Variants in MCF2L observed in about 807,000 individuals in gnomAD.
The protein encoded by MCF2L is guanine nucleotide exchange factor DBS.
A neutral mutation model predicts 153.4 loss-of-function variants in MCF2L; 97 were observed. The ratio of observed to expected loss-of-function variants is 0.63; its 90% confidence interval spans 0.54 to 0.75. The LOEUF (loss-of-function observed/expected upper bound fraction) is 0.75, where lower values mean the gene tolerates loss of function less well. Ranked by LOEUF, MCF2L falls within the 30% of genes least tolerant of loss-of-function variation. The probability of loss-of-function intolerance (pLI) is 0.00; values close to 1 mark genes in which losing one functional copy is unlikely to be tolerated. For synonymous variants in MCF2L, 659 were observed against 632.2 expected, an observed-to-expected ratio of 1.04 and a Z score of -0.64; for missense variants, 1,347 against 1,495.2, an observed-to-expected ratio of 0.90 and a Z score of 1.64.
In MCF2L at chr13:113,060,505, C is replaced by T. The variant is rs543846180; in HGVS notation, c.370-88C>T. ...TGCCTGGCCGCTAGCTGCGCGCCCC[C>T]GGTCAGCCCAGCGTGCAGGCACCGC... On this transcript the variant is annotated intron_variant, in intron 4 of 29. Coordinates refer to ENST00000535094, the MANE Select transcript of MCF2L (RefSeq NM_001112732.3). 2.6e-4 allele frequency: 394 copies of T among 1,521,324 alleles called. No individual in the cohort carries two copies. In the African/African-American group the frequency reaches 4.2e-3, roughly 16 times the overall value. 94.2% of individuals were successfully genotyped at this position (1,521,324 alleles called of 1,614,324 possible).
At chr13:113,081,145 C>A in intron 15 of MCF2L, 68 bp from the exon 16 acceptor site, 1 of 1,352,472 alleles carries the variant, frequency 7.4e-7, no homozygotes, top group South Asian at 1.3e-5. Flanking sequence ...ACCTGTGAGA[C>A]TGTGGAGCAG....
Position 113,074,162 on chromosome 13 carries a change from G to A in MCF2L, c.997-282G>A, listed in dbSNP as rs768034799. On this transcript the variant is annotated intron_variant, in intron 9 of 29. Coordinates refer to ENST00000535094, the MANE Select transcript of MCF2L (RefSeq NM_001112732.3). This position sits in a 1 kb window ranked among gnomAD's most constrained non-coding sequence, Gnocchi z 4.2. Reference sequence around the variant, plus strand: ...TCTTCTCCTCATGCTGTTTTCAGGCGTGTGGTTGATAAACGGAGGCACACA... The same window carrying A: ...TCTTCTCCTCATGCTGTTTTCAGGCATGTGGTTGATAAACGGAGGCACACA... Among the ~76,000 whole-genome samples the A allele has an allele frequency of 8.6e-5, 13 of 151,974 alleles. No homozygotes were observed. Among genetic ancestry groups the A allele is most frequent in the East Asian group, 7.7e-4 (4 of 5,162 alleles).
At chr13:112,895,564 A>C (rs957815360) in intron 1 of MCF2L, among the ~76,000 whole-genome samples, 2 of 152,080 alleles carry the variant, frequency 1.3e-5, no homozygotes, top group Non-Finnish European at 2.9e-5. Flanking sequence ...CGAGGGGTCC[A>C]GGGCTGGTCG....
intron 2 of MCF2L, among the ~76,000 whole-genome samples, chr13:112,921,132 G>A (rs1185152832): frequency 6.6e-6 from 1 of 152,042 alleles, no homozygotes; most frequent in African/African-American, 2.4e-5. Flanking sequence ...AGCCGAGATT[G>A]CACCACTGCA....
intron 4 of MCF2L, among the ~76,000 whole-genome samples, chr13:113,048,502 G>T (rs986918994): frequency 1.6e-5 from 2 of 124,252 alleles, no homozygotes; most frequent in East Asian, 2.4e-4. Flanking sequence ...CTGCAGTGGC[G>T]CGATCTCAGC....
chr13:112,963,648 T>C (rs1425730125), intron 2 of MCF2L, among the ~76,000 whole-genome samples: 1 of 152,226 alleles, frequency 6.6e-6, no homozygotes, highest in Non-Finnish European at 1.5e-5. Flanking sequence ...AAAGATGTGT[T>C]GAGTTCTAAC....
upstream of MCF2L, among the ~76,000 whole-genome samples, chr13:112,966,518 T>A (rs999110709): frequency 6.6e-6 from 1 of 152,192 alleles, no homozygotes; most frequent in Non-Finnish European, 1.5e-5. The surrounding 1 kb of genome is among the most constrained non-coding windows in gnomAD (Gnocchi z 4.1). Context: ...CACAGAGACA[T>A]CTAACCTAGC....
rs773948101 is a variant in MCF2L, at chr13:113,095,071, G to A, written c.3075+436G>A. The A allele has an allele frequency of 5.8e-6, 8 of 1,367,942 alleles. 1 individual carries two copies. Among genetic ancestry groups the A allele is most frequent in the Middle Eastern group, 2.1e-4 (1 of 4,774 alleles). The allele number at this position is 1,367,942 out of a possible 1,614,324, so 84.7% of individuals were successfully genotyped here. On this transcript the variant is annotated intron_variant, in intron 27 of 29. Coordinates refer to ENST00000535094, the MANE Select transcript of MCF2L (RefSeq NM_001112732.3). ...TTATGTCATAGAATGCTGTCACTGAGCCTTCCTAACTATACATACAATTCT... is the reference window on the plus strand; with the variant it reads ...TTATGTCATAGAATGCTGTCACTGAACCTTCCTAACTATACATACAATTCT...
chr13:112,969,619 A>G lies in MCF2L; in HGVS notation c.79+161A>G. The G allele has an allele frequency of 1.2e-6, 1 of 845,134 alleles. No individual in the cohort carries two copies. The highest frequency in any genetic ancestry group is 5.4e-5 in the South Asian group (1 of 18,504). The allele number at this position is 845,134 out of a possible 1,614,324, so 52.4% of individuals were successfully genotyped here. On this transcript the variant is annotated intron_variant, in intron 1 of 29. Coordinates refer to ENST00000535094, the MANE Select transcript of MCF2L (RefSeq NM_001112732.3). This position sits in a 1 kb window ranked among gnomAD's most constrained non-coding sequence, Gnocchi z 4.8. ...ACTGGTTGGCAGCTGGTGTGTTTTC[A>G]GAGGCTGTCGGCGATCGTATGCTGC... is the stretch of plus-strand genomic sequence containing the variant.
At chr13:112,902,223 T>C (rs1198034898) in exon 2 of MCF2L, 1 of 1,612,868 alleles carries the variant, frequency 6.2e-7, no homozygotes, top group African/African-American at 1.3e-5. Flanking sequence ...GTTGGAGATT[T>C]ATCCTGTGCA....
At chr13:112,953,816 C>G (rs1303446271) in intron 2 of MCF2L, among the ~76,000 whole-genome samples, 3 of 152,228 alleles carry the variant, frequency 2.0e-5, no homozygotes, top group Non-Finnish European at 4.4e-5. Context: ...AGCGTTCAGC[C>G]ACCTGGTAGG....
At chr13:112,913,615 A>G (rs1295863822) in intron 2 of MCF2L, among the ~76,000 whole-genome samples, 1 of 152,110 alleles carries the variant, frequency 6.6e-6, no homozygotes, top group Admixed American at 6.5e-5. Context: ...TCCTCCTTCA[A>G]GTGCATGGGG....
chr13:112,968,474 G>C (rs773170012), upstream of MCF2L: 5 of 1,590,270 alleles, frequency 3.1e-6, no homozygotes, highest in South Asian at 5.7e-5. Flanking sequence ...CATGGCGAGG[G>C]TGGAGAGCCC....
chr13:112,926,542 C>G (rs2081408849), intron 2 of MCF2L, among the ~76,000 whole-genome samples: 1 of 152,184 alleles, frequency 6.6e-6, no homozygotes, highest in African/African-American at 2.4e-5. Flanking sequence ...TCTACATGCA[C>G]AGGGGGGTGC....
At chr13:113,034,159 A>AG (rs2085984654) in intron 3 of MCF2L, 1 of 120,552 alleles carries the variant, frequency 8.3e-6, no homozygotes, top group Non-Finnish European at 1.6e-5. Flanking sequence ...TTTTTTGGAG[A>AG]TGCGTCTGGC....
intron 2 of MCF2L, among the ~76,000 whole-genome samples, chr13:112,939,611 T>C (rs2081555078): frequency 6.6e-6 from 1 of 152,210 alleles, no homozygotes; most frequent in African/African-American, 2.4e-5. Flanking sequence ...ACTCTGTACC[T>C]GGACACTTTG....
chr13:112,988,987 A>G (rs35628670), intron 1 of MCF2L, among the ~76,000 whole-genome samples: 140 of 68,208 alleles, frequency 2.1e-3, no homozygotes, highest in East Asian at 5.4e-3. Flanking sequence ...AGGGGATGGA[A>G]CTACCACACC....
At chr13:113,092,735 C>G (rs991199145) in intron 26 of MCF2L, among the ~76,000 whole-genome samples, 1 of 152,274 alleles carries the variant, frequency 6.6e-6, no homozygotes, top group African/African-American at 2.4e-5. Flanking sequence ...CTGCCCACTC[C>G]CAGGCACTGC....
chr13:113,011,460 TGCA>T (rs2084094573), intron 1 of MCF2L, among the ~76,000 whole-genome samples: 2 of 142,038 alleles, frequency 1.4e-5, no homozygotes, highest in African/African-American at 5.2e-5. Flanking sequence ...TGGTGGACAC[TGCA>T]GTGCAGATGG....
Sources: gnomAD v4.1 joint callset for allele counts (sites outside exome capture counted in the v4.1 genomes callset) on GRCh38, gnomAD v4.1.1 for gene constraint, Gnocchi (gnomAD v3.1) non-coding constraint, MANE v1.5 for transcripts, NCBI Gene and HGNC (gene_info 2026-07-23, HGNC 2026-07-21) for gene names.